The following IMMP2L variants were observed in gnomAD, a reference collection of about 807,000 sequenced individuals.
The protein encoded by IMMP2L is inner mitochondrial membrane peptidase subunit 2.
Under a neutral mutation model 19.3 loss-of-function variants are expected in IMMP2L, and 18 were observed. The observed-to-expected ratio is 0.93, with a 90% CI of 0.64 to 1.38. The LOEUF (loss-of-function observed/expected upper bound fraction) is 1.38, where lower values mean the gene tolerates loss of function less well. IMMP2L is among the 40% of genes most tolerant of loss of function. IMMP2L has a pLI of 0.00. For synonymous variants in IMMP2L, 76 were observed against 73.0 expected, an observed-to-expected ratio of 1.04 and a Z score of -0.21; for missense variants, 233 against 218.2, an observed-to-expected ratio of 1.07 and a Z score of -0.43.
At chr7:111,539,132 A>AGGAAGGAAGG (rs1563329904) in intron 1 of IMMP2L, among the ~76,000 whole-genome samples, 2 of 61,584 alleles carry the variant, frequency 3.2e-5, no homozygotes, top group African/African-American at 1.3e-4. Context: ...AAAGAAAAGA[A>AGGAAGGAAGG]AAGGAAGGAA....
chr7:111,518,738 T>C (rs1846085090), intron 2 of IMMP2L, among the ~76,000 whole-genome samples: 1 of 152,160 alleles, frequency 6.6e-6, no homozygotes, highest in South Asian at 2.1e-4. Context: ...TTTACTGGCA[T>C]CTAGTGAAAC....
intron 3 of IMMP2L, among the ~76,000 whole-genome samples, chr7:111,141,854 C>T (rs1323881886): frequency 6.6e-6 from 1 of 152,166 alleles, no homozygotes; most frequent in Non-Finnish European, 1.5e-5. Context: ...GTGTGCACCA[C>T]CATGCCTGGC....
chr7:111,172,781 T>C (rs983097399), intron 3 of IMMP2L, among the ~76,000 whole-genome samples: 6 of 151,578 alleles, frequency 4.0e-5, no homozygotes, highest in Non-Finnish European at 5.9e-5. Context: ...TCATTTAACC[T>C]AATGTGTTGC....
At chr7:111,008,782 G>C (rs1222475742) in intron 3 of IMMP2L, among the ~76,000 whole-genome samples, 1 of 152,012 alleles carries the variant, frequency 6.6e-6, no homozygotes, top group Admixed American at 6.6e-5. Flanking sequence ...GTAGTGAGGG[G>C]GAAGTAATTG....
intron 3 of IMMP2L, chr7:111,390,888 C>T (rs760368603): frequency 5.9e-5 from 9 of 152,054 alleles, no homozygotes; most frequent in African/African-American, 1.9e-4. Context: ...CACATTAACA[C>T]GTAACTATGA....
chr7:110,839,725 G>T (rs961825019), intron 5 of IMMP2L, among the ~76,000 whole-genome samples: 11 of 151,964 alleles, frequency 7.2e-5, no homozygotes, highest in African/African-American at 2.7e-4. Context: ...TACCTGTTAT[G>T]AATAGATAAC....
chr7:110,819,125 AAAAG>A (rs1562997679), intron 5 of IMMP2L, among the ~76,000 whole-genome samples: 1 of 152,070 alleles, frequency 6.6e-6, no homozygotes, highest in East Asian at 1.9e-4. Context: ...CAAAATAAAA[AAAAG>A]AAAAAAAAAT....
At chr7:111,235,052 G>A (rs1293169124) in intron 3 of IMMP2L, among the ~76,000 whole-genome samples, 3 of 152,062 alleles carry the variant, frequency 2.0e-5, no homozygotes, top group Non-Finnish European at 4.4e-5. Context: ...TCTTCTGTCT[G>A]AAGAACTTTT....
intron 3 of IMMP2L, among the ~76,000 whole-genome samples, chr7:111,319,261 A>G (rs1824426425): frequency 6.6e-6 from 1 of 152,098 alleles, no homozygotes; most frequent in Admixed American, 6.6e-5. Context: ...TGTGACCTTG[A>G]TGTTCTATAT....
At chr7:110,855,013 G>C (rs1036644199) in intron 5 of IMMP2L, among the ~76,000 whole-genome samples, 1 of 151,946 alleles carries the variant, frequency 6.6e-6, no homozygotes, top group Non-Finnish European at 1.5e-5. Context: ...TGAAAGGACA[G>C]TTATAATACA....
rs1156829302 is a variant in IMMP2L at position 110,803,910 on chromosome 7, A to C, written c.408+82683T>G. Among the ~76,000 whole-genome samples the C allele has an allele frequency of 6.6e-6, 1 of 152,108 alleles. No individual in the cohort carries two copies. The highest frequency in any genetic ancestry group is 1.9e-4 in the East Asian group (1 of 5,158). On this transcript the variant is annotated intron_variant, in intron 5 of 5. Coordinates refer to ENST00000405709, the MANE Select transcript of IMMP2L (RefSeq NM_032549.4). The surrounding 1 kb of genome is among the most constrained non-coding windows in gnomAD (Gnocchi z 4.2). ...AATTACAAAGTCTGGGGGTGGGGCC[A>C]TGCAGGAATCTGTTTACCTAGTCTT...
At chr7:110,910,886 G>C (rs969185146) in intron 4 of IMMP2L, among the ~76,000 whole-genome samples, 1 of 152,066 alleles carries the variant, frequency 6.6e-6, no homozygotes, top group Non-Finnish European at 1.5e-5. Flanking sequence ...GGAAGATATT[G>C]TTGATCTAGG....
chr7:111,386,284 C>T (rs923267084), intron 3 of IMMP2L, among the ~76,000 whole-genome samples: 5 of 152,092 alleles, frequency 3.3e-5, no homozygotes, highest in African/African-American at 1.2e-4. Flanking sequence ...CAGTTTTCCC[C>T]AATCCTTAAT....
chr7:111,261,621 A>C (rs1417945249), intron 3 of IMMP2L, among the ~76,000 whole-genome samples: 1 of 152,178 alleles, frequency 6.6e-6, no homozygotes, highest in African/African-American at 2.4e-5. Context: ...ATGATATAGC[A>C]GACAGAGGTA....
At chr7:110,928,009 A>G (rs1350274480) in intron 4 of IMMP2L, among the ~76,000 whole-genome samples, 2 of 152,012 alleles carry the variant, frequency 1.3e-5, no homozygotes, top group East Asian at 3.9e-4. Context: ...ATTTTTGTAT[A>G]CTATCTCAAA....
At chr7:111,152,711 C>T (rs1040288538) in intron 3 of IMMP2L, among the ~76,000 whole-genome samples, 6 of 152,044 alleles carry the variant, frequency 3.9e-5, no homozygotes, top group Non-Finnish European at 7.4e-5. Context: ...CATTAATAGA[C>T]AAAAAGGCCA....
intron 3 of IMMP2L, among the ~76,000 whole-genome samples, chr7:111,427,055 C>T (rs527977042): frequency 6.6e-6 from 1 of 151,082 alleles, no homozygotes. Flanking sequence ...TTTTCATTTG[C>T]TCCCTTTCAG....
intron 3 of IMMP2L, among the ~76,000 whole-genome samples, chr7:111,255,079 T>G (rs865868132): frequency 9.2e-5 from 14 of 152,086 alleles, no homozygotes; most frequent in African/African-American, 3.4e-4. Context: ...AACTGCCAGT[T>G]AAATAGCAAT....
intron 4 of IMMP2L, among the ~76,000 whole-genome samples, chr7:110,905,417 G>C (rs1366366338): frequency 6.6e-6 from 1 of 151,966 alleles, no homozygotes; most frequent in African/African-American, 2.4e-5. Context: ...TAAAAAGGAT[G>C]AATACACTCA....
Sources: gnomAD v4.1 joint callset for allele counts (sites outside exome capture counted in the v4.1 genomes callset) on GRCh38, gnomAD v4.1.1 for gene constraint, Gnocchi (gnomAD v3.1) non-coding constraint, MANE v1.5 for transcripts, NCBI Gene and HGNC (gene_info 2026-07-23, HGNC 2026-07-21) for gene names.